TCF7: variants seen among roughly 807,000 people sequenced by gnomAD.
The protein encoded by TCF7 is T-cell-factor-7.
Under a neutral mutation model 46.8 loss-of-function variants are expected in TCF7, and 19 were observed. The observed-to-expected ratio is 0.41, with a 90% CI of 0.28 to 0.60. The LOEUF is 0.60. TCF7 is among the 20% of genes least tolerant of loss of function. TCF7 has a pLI of 0.35. For missense variants in TCF7, 547 were observed against 504.6 expected, an observed-to-expected ratio of 1.08 and a Z score of -0.81; for synonymous variants, 245 against 213.4, an observed-to-expected ratio of 1.15 and a Z score of -1.29.
intron 3 of TCF7, among the ~76,000 whole-genome samples, chr5:134,117,576 G>T (rs1561649565): frequency 1.3e-5 from 2 of 152,218 alleles, no homozygotes; most frequent in African/African-American, 4.8e-5. Context: ...TCATCTCATG[G>T]TGTGGGCAAG....
intron 2 of TCF7, 36 bp from the exon 3 acceptor site, chr5:134,115,873 G>C (rs115535840): frequency 0.04 from 63,892 of 1,613,382 alleles, 1,502 homozygotes; most frequent in Non-Finnish European, 0.047. Context: ...GCCGCTGCCA[G>C]GGCTGGTGTG....
At chr5:134,136,593 G>GGTATAA (rs1009715714) in intron 3 of TCF7, among the ~76,000 whole-genome samples, 11 of 152,108 alleles carry the variant, frequency 7.2e-5, no homozygotes, top group Non-Finnish European at 1.6e-4. Context: ...TTCATGTCTT[G>GGTATAA]GCTACAGCAG....
upstream of TCF7, among the ~76,000 whole-genome samples, chr5:134,110,442 C>T (rs1159199705): frequency 6.6e-6 from 1 of 152,212 alleles, no homozygotes; most frequent in African/African-American, 2.4e-5. Flanking sequence ...ATTGTGTGTG[C>T]TTGCCTTTCT....
upstream of TCF7, among the ~76,000 whole-genome samples, chr5:134,112,668 A>G (rs1389810493): frequency 6.6e-6 from 1 of 152,234 alleles, no homozygotes; most frequent in Non-Finnish European, 1.5e-5. Context: ...GACATGAAAA[A>G]AAACACTTGT....
chr5:134,124,016 G>A (rs1221577656), intron 3 of TCF7, among the ~76,000 whole-genome samples: 1 of 152,068 alleles, frequency 6.6e-6, no homozygotes, highest in African/African-American at 2.4e-5. Flanking sequence ...CTCGGGGTTC[G>A]GGATCCTAGG....
intron 8 of TCF7, chr5:134,143,369 AC>A: frequency 3.8e-6 from 3 of 784,414 alleles, no homozygotes; most frequent in Non-Finnish European, 6.9e-6. Flanking sequence ...TCTGGAAGTC[AC>A]CTCCTTCCAT....
In TCF7 at chr5:134,146,664, G is replaced by A; in HGVS notation, c.*361G>A. 1 of 642,934 alleles carries A rather than the reference G, an allele frequency of 1.6e-6. No individual in the cohort carries two copies. Among genetic ancestry groups the A allele is most frequent in the South Asian group, 1.8e-5 (1 of 56,238 alleles). 39.8% of individuals were successfully genotyped at this position (642,934 alleles called of 1,614,324 possible). Reference sequence around the variant, plus strand: ...AGATTTCAGAGGCTGCAGGACTTCTGCCTGAACCTGGGGTCATCGATTCAA... The same window carrying A: ...AGATTTCAGAGGCTGCAGGACTTCTACCTGAACCTGGGGTCATCGATTCAA... On this transcript the variant is annotated 3_prime_UTR_variant, in exon 10 of 10. Coordinates refer to ENST00000342854, the MANE Select transcript of TCF7 (RefSeq NM_003202.5).
intron 3 of TCF7, among the ~76,000 whole-genome samples, chr5:134,130,719 T>C (rs1757999391): frequency 2.0e-5 from 3 of 152,138 alleles, no homozygotes; most frequent in African/African-American, 7.2e-5. Flanking sequence ...CCCCAGCTCC[T>C]CCCACCTTCC....
At chr5:134,144,972 C>T (rs1473770221) in intron 9 of TCF7, 2 of 991,922 alleles carry the variant, frequency 2.0e-6, no homozygotes, top group Non-Finnish European at 3.2e-6. Context: ...CCCCTCAGCC[C>T]ACTAGCATAC....
intron 1 of TCF7, 53 bp from the exon 2 acceptor site, chr5:134,115,268 C>T: frequency 2.0e-6 from 3 of 1,489,740 alleles, no homozygotes; most frequent in South Asian, 2.5e-5. Flanking sequence ...CCGGCGTCGG[C>T]CCCGACCCCC....
intron 3 of TCF7, among the ~76,000 whole-genome samples, chr5:134,119,527 C>T (rs1274110519): frequency 6.6e-6 from 1 of 152,192 alleles, no homozygotes; most frequent in African/African-American, 2.4e-5. Context: ...AGGCTGAGGC[C>T]TTTGGCTGTT....
upstream of TCF7, among the ~76,000 whole-genome samples, chr5:134,114,136 T>A (rs244656): frequency 0.76 from 115,760 of 152,076 alleles, 45,223 homozygotes; most frequent in Non-Finnish European, 0.86. Flanking sequence ...TATACTTATG[T>A]TCGCACTGTA....
rs373275413 is a variant in TCF7, at chr5:134,144,812, A to C, written c.1075+1172A>C. ...CTGTGAGCAGACCCTGGCTCGCCTA[A>C]GAAATGCCGTGCTCGCTTTGGCCTC... On this transcript the variant is annotated intron_variant, in intron 9 of 9. Coordinates refer to ENST00000342854, the MANE Select transcript of TCF7 (RefSeq NM_003202.5). 2.5e-6 allele frequency: 4 copies of C among 1,614,202 alleles called. No homozygotes were observed. In the Admixed American group the frequency reaches 5.0e-5, roughly 20 times the overall value.
chr5:134,117,178 A>G (rs951893271), intron 3 of TCF7, among the ~76,000 whole-genome samples: 5 of 152,182 alleles, frequency 3.3e-5, no homozygotes, highest in Admixed American at 2.0e-4. Flanking sequence ...TAAAATGAGT[A>G]TGTTTTTCGA....
chr5:134,146,101 C>T (rs1760660358), intron 9 of TCF7, 123 bp from the exon 10 acceptor site: 5 of 1,603,756 alleles, frequency 3.1e-6, no homozygotes, highest in Non-Finnish European at 4.3e-6. Flanking sequence ...GACTTACCAC[C>T]CAAGTCCCAG....
upstream of TCF7, among the ~76,000 whole-genome samples, chr5:134,114,263 C>T (rs576971276): frequency 6.6e-6 from 1 of 152,186 alleles, no homozygotes; most frequent in African/African-American, 2.4e-5. Context: ...AGCACAGCCT[C>T]AAGCAGCCTC....
intron 3 of TCF7, among the ~76,000 whole-genome samples, chr5:134,126,539 A>G (rs1406013040): frequency 2.0e-5 from 3 of 152,266 alleles, no homozygotes; most frequent in Admixed American, 2.0e-4. Flanking sequence ...CAACAACTAC[A>G]GTAGTTCATG....
intron 3 of TCF7, among the ~76,000 whole-genome samples, chr5:134,124,727 G>T (rs1185587966): frequency 1.3e-5 from 2 of 152,128 alleles, no homozygotes; most frequent in African/African-American, 4.8e-5. Flanking sequence ...AAAGCTGTCT[G>T]GGCCCCACAC....
At chr5:134,115,596 AGACCCCCGC>A (rs1356195996) in intron 2 of TCF7, 1 of 1,434,770 alleles carries the variant, frequency 7.0e-7, no homozygotes, top group Non-Finnish European at 9.1e-7. Flanking sequence ...AGGAGTAAAC[AGACCCCCGC>A]CATCCCCGCC....
Sources: allele counts gnomAD v4.1 joint callset (sites outside exome capture counted in the v4.1 genomes callset), GRCh38; gene constraint gnomAD v4.1.1; transcripts MANE v1.5; gene names NCBI Gene and HGNC (gene_info 2026-07-23, HGNC 2026-07-21).